Variants in ZNF341 observed in about 807,000 individuals in gnomAD.
ZNF341 encodes zinc finger protein 341.
In ZNF341, 52 loss-of-function variants were observed where a neutral mutation model predicts 87.7. That is an observed-to-expected ratio of 0.59 (90% CI 0.47 to 0.75). The LOEUF (loss-of-function observed/expected upper bound fraction) is 0.75. ZNF341 is among the 30% of genes least tolerant of loss of function. ZNF341 has a pLI of 0.00. For synonymous variants in ZNF341, 459 were observed against 472.7 expected (o/e 0.97, Z 0.38); for missense variants, 977 against 1,145.9 (o/e 0.85, Z 2.13).
chr20:33,790,985 C>T lies in ZNF341; in HGVS notation c.2036-3C>T. The T allele has an allele frequency of 6.2e-7, 1 of 1,607,426 alleles. No homozygotes were observed. Among genetic ancestry groups the T allele is most frequent in the Non-Finnish European group, 8.5e-7 (1 of 1,176,154 alleles). On this transcript the variant is annotated splice_polypyrimidine_tract_variant and splice_region_variant and intron_variant, in intron 14 of 14. Coordinates refer to ENST00000375200, the MANE Select transcript of ZNF341 (RefSeq NM_001282933.2). ...TTCTCACTGACTTTCCCTTGCCCTC[C>T]AGGCATGAAGCTCCACAAATGCGCC...
chr20:33,766,714 A>C, intron 8 of ZNF341, 137 bp from the exon 9 acceptor site: 1 of 863,686 alleles, frequency 1.2e-6, no homozygotes, highest in Non-Finnish European at 1.8e-6. Context: ...GTGTGAGTGC[A>C]GCACCTTAAG....
Position 33,788,861 on chromosome 20 carries a change from A to C in ZNF341, c.1853-2A>C. Reference sequence around the variant, plus strand: ...GGCTCTCCCTGTCTGTGTCTGCTGCAGGTGAGAAGCCCTACAAATGCTCAG... The same window carrying C: ...GGCTCTCCCTGTCTGTGTCTGCTGCCGGTGAGAAGCCCTACAAATGCTCAG... On this transcript the variant is annotated splice_acceptor_variant, in intron 12 of 14. Transcript: ENST00000375200. LOFTEE classifies it high-confidence loss of function. The C allele has an allele frequency of 6.2e-7, 1 of 1,613,388 alleles. No individual in the cohort carries two copies. Among genetic ancestry groups the C allele is most frequent in the Non-Finnish European group, 8.5e-7 (1 of 1,179,460 alleles).
chr20:33,752,193 G>A (rs1331413612), intron 4 of ZNF341: 1 of 549,482 alleles, frequency 1.8e-6, no homozygotes, highest in Non-Finnish European at 3.6e-6. Flanking sequence ...TTGACTGTCT[G>A]TAGATTTTTG....
chr20:33,780,490 C>T (rs2019719519), intron 10 of ZNF341, among the ~76,000 whole-genome samples: 1 of 151,824 alleles, frequency 6.6e-6, no homozygotes, highest in Non-Finnish European at 1.5e-5. Flanking sequence ...TCACTGCAAC[C>T]TCCGCCTCCT....
intron 8 of ZNF341, among the ~76,000 whole-genome samples, chr20:33,762,257 G>A (rs2019310774): frequency 6.6e-6 from 1 of 151,992 alleles, no homozygotes; most frequent in African/African-American, 2.4e-5. Context: ...CTGTACCCAT[G>A]GCAGACATCA....
chr20:33,739,121 C>G (rs183407291), intron 1 of ZNF341, among the ~76,000 whole-genome samples: 1 of 152,210 alleles, frequency 6.6e-6, no homozygotes, highest in East Asian at 1.9e-4. Flanking sequence ...AGGCACCCAC[C>G]ACCATGCCCA....
chr20:33,755,436 A>G (rs911986619), intron 5 of ZNF341, among the ~76,000 whole-genome samples: 5 of 152,172 alleles, frequency 3.3e-5, no homozygotes, highest in East Asian at 1.9e-4. Flanking sequence ...TGCTGGGATT[A>G]CAGGCATGAG....
chr20:33,758,647 A>G (rs2019229672), intron 6 of ZNF341, 69 bp from the exon 7 acceptor site: 1 of 1,268,546 alleles, frequency 7.9e-7, no homozygotes, highest in Non-Finnish European at 1.1e-6. Context: ...TACAGTAGTC[A>G]GAGGCTGCCC....
chr20:33,784,852 G>C (rs1052299224), intron 12 of ZNF341, among the ~76,000 whole-genome samples: 2 of 152,054 alleles, frequency 1.3e-5, no homozygotes, highest in Non-Finnish European at 2.9e-5. Flanking sequence ...CTGACCTCAG[G>C]TGATCCTCCT....
At chr20:33,782,106 C>G (rs1330369045) in intron 11 of ZNF341, among the ~76,000 whole-genome samples, 2 of 152,158 alleles carry the variant, frequency 1.3e-5, no homozygotes, top group Admixed American at 6.6e-5. Flanking sequence ...TCATGCCCAG[C>G]CTGGATTCTT....
intron 1 of ZNF341, among the ~76,000 whole-genome samples, chr20:33,733,943 G>A (rs1311175100): frequency 1.3e-5 from 2 of 152,226 alleles, no homozygotes; most frequent in Non-Finnish European, 2.9e-5. Context: ...CAGGAAGGCC[G>A]AGGTCAGTGG....
chr20:33,779,744 T>C (rs1388453442), intron 10 of ZNF341, among the ~76,000 whole-genome samples: 1 of 152,262 alleles, frequency 6.6e-6, no homozygotes, highest in East Asian at 1.9e-4. Context: ...AGGCACTGCA[T>C]CCAGCCATGT....
In ZNF341 at chr20:33,740,965, A is replaced by G; in HGVS notation, c.95A>G (p.Asp32Gly). Residue 32 changes from aspartate to glycine, a missense_variant, in exon 2 of 15, where the codon GAT becomes GGT. Asp to Gly is a moderately conservative substitution (Grantham distance 94). Coordinates refer to ENST00000375200, the MANE Select transcript of ZNF341 (RefSeq NM_001282933.2). ...SLLDGQGAVP[D>G]PTGQSVNAPP... ...TTGGATGGCCAAGGAGCAGTCCCTGATCCGACAGGCCAGAGTGTCAATGCG... is the reference window on the plus strand; with the variant it reads ...TTGGATGGCCAAGGAGCAGTCCCTGGTCCGACAGGCCAGAGTGTCAATGCG... 1 of 1,614,134 alleles carries G rather than the reference A, an allele frequency of 6.2e-7. No homozygotes were observed. Among genetic ancestry groups the G allele is most frequent in the Non-Finnish European group, 8.5e-7 (1 of 1,180,028 alleles).
At chr20:33,781,452 T>G (rs914888532) in intron 11 of ZNF341, 65 bp downstream of exon 11, 1 of 1,416,754 alleles carries the variant, frequency 7.1e-7, no homozygotes, top group Non-Finnish European at 1.0e-6. Flanking sequence ...TGGGGTGGGG[T>G]GCACACCTCA....
At position 33,791,484 on chromosome 20, in the gene ZNF341, C is replaced by T. The variant is rs148919836; in HGVS notation, c.2532C>T (p.Leu844=). Residue 844 remains leucine, a synonymous_variant, in exon 15 of 15, where the codon CTC becomes CTT. Transcript: ENST00000375200. Reference sequence around the variant, plus strand: ...GGGCCGAGGGCCCATGTGCCATGCTCGCTGTGCCCGTCTACATCCAGGCCT... The same window carrying T: ...GGGCCGAGGGCCCATGTGCCATGCTTGCTGTGCCCGTCTACATCCAGGCCT... The part of the protein sequence containing the change: ...QAGAEGPCAM[L]AVPVYIQASE 83 of 1,584,284 alleles carry T rather than the reference C, an allele frequency of 5.2e-5. No homozygotes were observed. The South Asian group carries it at 5.7e-4, about 11-fold the overall frequency.
chr20:33,775,544 C>A (rs916399740), intron 10 of ZNF341, among the ~76,000 whole-genome samples: 1 of 147,318 alleles, frequency 6.8e-6, no homozygotes, highest in Non-Finnish European at 1.5e-5. Context: ...TTATCTACTT[C>A]AAAAACTATA....
intron 10 of ZNF341, among the ~76,000 whole-genome samples, chr20:33,778,214 G>T (rs2019666246): frequency 6.6e-6 from 1 of 152,204 alleles, no homozygotes; most frequent in East Asian, 1.9e-4. Context: ...TCACCAGCTA[G>T]TTAAGTCTCT....
At chr20:33,764,561 A>ATATATTTTT (rs1266929824) in intron 8 of ZNF341, among the ~76,000 whole-genome samples, 6 of 28,412 alleles carry the variant, frequency 2.1e-4, no homozygotes, top group Admixed American at 6.1e-4. Context: ...ATATATATAT[A>ATATATTTTT]TTTTTTTTTT....
chr20:33,769,490 C>G (rs979134297), intron 9 of ZNF341, among the ~76,000 whole-genome samples: 2 of 152,168 alleles, frequency 1.3e-5, no homozygotes, highest in South Asian at 2.1e-4. Context: ...AGGGTATACA[C>G]TGTCATCTTT....
Sources: gnomAD v4.1 joint callset for allele counts (sites outside exome capture counted in the v4.1 genomes callset) on GRCh38, gnomAD v4.1.1 for gene constraint, MANE v1.5 for transcripts, NCBI Gene and HGNC (gene_info 2026-07-23, HGNC 2026-07-21) for gene names.